Variants in ZNF385D observed in about 807,000 individuals in gnomAD.
The protein encoded by ZNF385D is zinc finger protein 385D, also known as zinc finger protein 659.
In ZNF385D, 15 loss-of-function variants were observed where a neutral mutation model predicts 35.8. The ratio of observed to expected loss-of-function variants is 0.42; its 90% CI spans 0.28 to 0.64. ZNF385D has a LOEUF of 0.64. Ranked by LOEUF, ZNF385D falls within the 30% of genes least tolerant of loss-of-function variation. ZNF385D has a pLI of 0.23. For missense variants in ZNF385D, 474 were observed against 494.6 expected (o/e 0.96, Z 0.39); for synonymous variants, 212 against 186.8 (o/e 1.13, Z -1.10).
intron 3 of ZNF385D, among the ~76,000 whole-genome samples, chr3:21,522,933 C>T (rs536920980): frequency 2.2e-4 from 34 of 152,206 alleles, no homozygotes; most frequent in Non-Finnish European, 4.0e-4. Flanking sequence ...CACTATCCAC[C>T]GGTAGTATTT....
chr3:22,144,590 A>G (rs1704729253), intron 3 of ZNF385D, among the ~76,000 whole-genome samples: 1 of 151,060 alleles, frequency 6.6e-6, no homozygotes, highest in Non-Finnish European at 1.5e-5. Flanking sequence ...AAAAAAAAAA[A>G]AAAAAAAAAA....
intron 2 of ZNF385D, among the ~76,000 whole-genome samples, chr3:22,273,342 T>C (rs1208830025): frequency 6.6e-6 from 1 of 151,974 alleles, no homozygotes; most frequent in East Asian, 1.9e-4. Context: ...AGTCCTTTTT[T>C]TGGAAATTAA....
chr3:21,465,181 A>G lies in ZNF385D; in HGVS notation c.440-27978T>C, dbSNP rs1170347465. On this transcript the variant is annotated intron_variant, in intron 4 of 7. Transcript: ENST00000281523. This position sits in a 1 kb window ranked among gnomAD's most constrained non-coding sequence, Gnocchi z 4.2. ...AAGTTTTCACTGTGCCCTTGAACACAGTGAAAATTTACATATTTTCACTTT... is the reference window on the plus strand; with the variant it reads ...AAGTTTTCACTGTGCCCTTGAACACGGTGAAAATTTACATATTTTCACTTT... 6.6e-6 allele frequency among the ~76,000 whole-genome samples: 1 copy of G among 152,170 alleles called. No individual in the cohort carries two copies. Among genetic ancestry groups the G allele is most frequent in the Non-Finnish European group, 1.5e-5 (1 of 68,032 alleles).
rs572954864 is a variant in ZNF385D at position 22,318,389 on chromosome 3, G to C, written c.106+54061C>G. ...AAGAGAGCAAACATCAGATAACCTT[G>C]ATCGATCAATAAAGAACCAGACAAG... On this transcript the variant is annotated intron_variant, in intron 2 of 5. Coordinates refer to the ZNF385D transcript ENST00000494108. Among the ~76,000 whole-genome samples, 22 of 152,260 alleles carry C rather than the reference G, an allele frequency of 1.4e-4. No individual in the cohort carries two copies. In the South Asian group the frequency reaches 4.4e-3, roughly 30 times the overall value.
chr3:21,733,762 G>T lies in ZNF385D; in HGVS notation c.22+17133C>A, dbSNP rs757089607. 7.2e-5 allele frequency among the ~76,000 whole-genome samples: 11 copies of T among 152,188 alleles called. No individual in the cohort carries two copies. In the East Asian group the frequency reaches 2.1e-3, roughly 29 times the overall value. ...TTTGTTCAATCTGCAATTTATTTCAGTGTAAGAAGTGAAATAGGAATCCAC... is the reference window on the plus strand; with the variant it reads ...TTTGTTCAATCTGCAATTTATTTCATTGTAAGAAGTGAAATAGGAATCCAC... On this transcript the variant is annotated intron_variant, in intron 1 of 7. Coordinates refer to ENST00000281523, the MANE Select transcript of ZNF385D (RefSeq NM_024697.3).
chr3:21,733,746 T>C (rs1484908456), intron 1 of ZNF385D, among the ~76,000 whole-genome samples: 1 of 152,180 alleles, frequency 6.6e-6, no homozygotes, highest in African/African-American at 2.4e-5. Context: ...CTTTGTTCAA[T>C]CTGCAATTTA....
At chr3:22,155,055 T>C (rs1424910197) in intron 3 of ZNF385D, among the ~76,000 whole-genome samples, 1 of 152,150 alleles carries the variant, frequency 6.6e-6, no homozygotes, top group East Asian at 1.9e-4. Context: ...GTATAATTGA[T>C]CTTATGTGAA....
intron 3 of ZNF385D, among the ~76,000 whole-genome samples, chr3:22,032,813 C>T (rs972624363): frequency 2.6e-5 from 4 of 152,082 alleles, no homozygotes; most frequent in Non-Finnish European, 5.9e-5. Context: ...GATTTGCATG[C>T]TTTAGATGTA....
intron 3 of ZNF385D, among the ~76,000 whole-genome samples, chr3:22,080,727 T>C (rs961190433): frequency 6.6e-6 from 1 of 152,010 alleles, no homozygotes; most frequent in Non-Finnish European, 1.5e-5. Context: ...CCCAAGATGA[T>C]AGTATTAAAA....
chr3:21,527,400 C>T (rs573616326), intron 3 of ZNF385D, among the ~76,000 whole-genome samples: 1 of 152,248 alleles, frequency 6.6e-6, no homozygotes, highest in Admixed American at 6.5e-5. Context: ...CTCAACTAGG[C>T]CCCGAACTTT....
chr3:21,776,574 C>T (rs1200568625), intron 3 of ZNF385D, among the ~76,000 whole-genome samples: 1 of 151,830 alleles, frequency 6.6e-6, no homozygotes, highest in East Asian at 1.9e-4. Context: ...GTCTTCCTAT[C>T]CCTTGATTAT....
chr3:22,190,556 C>A (rs958183949), intron 2 of ZNF385D, among the ~76,000 whole-genome samples: 1 of 152,038 alleles, frequency 6.6e-6, no homozygotes, highest in Non-Finnish European at 1.5e-5. Flanking sequence ...TTGCTAATAT[C>A]GTTAAGTTCT....
Position 22,185,046 on chromosome 3 carries a change from C to T in ZNF385D, c.107-16011G>A, listed in dbSNP as rs536240943. On this transcript the variant is annotated intron_variant, in intron 2 of 5. Coordinates refer to the ZNF385D transcript ENST00000494108. ...CAGAAATGCTGAAATCAGGAGATACCTTGCTGTACATTGGATATTGTTATT... is the reference window on the plus strand; with the variant it reads ...CAGAAATGCTGAAATCAGGAGATACTTTGCTGTACATTGGATATTGTTATT... Among the ~76,000 whole-genome samples the T allele has an allele frequency of 2.6e-4, 40 of 151,990 alleles. No individual in the cohort carries two copies. The South Asian group carries it at 8.3e-3, about 32-fold the overall frequency.
At chr3:21,586,205 C>T (rs2063806945) in intron 2 of ZNF385D, among the ~76,000 whole-genome samples, 1 of 151,742 alleles carries the variant, frequency 6.6e-6, no homozygotes. Context: ...GACTCTGTCC[C>T]TAAGGGGAAA....
chr3:22,068,704 C>A lies in ZNF385D; in HGVS notation c.325+100113G>T, dbSNP rs148309833. On this transcript the variant is annotated intron_variant, in intron 3 of 5. Coordinates refer to the ZNF385D transcript ENST00000494108. ...AAGGCCTAATTCTCATAATAAATTT[C>A]TTTTTCTACATACTCCTAGTTAAAC... Among the ~76,000 whole-genome samples the A allele has an allele frequency of 4.4e-3, 671 of 152,262 alleles. 1 individual carries two copies. Among genetic ancestry groups the A allele is most frequent in the Non-Finnish European group, 7.4e-3 (506 of 68,010 alleles).
At chr3:22,139,445 A>T (rs532185764) in intron 3 of ZNF385D, among the ~76,000 whole-genome samples, 1 of 152,204 alleles carries the variant, frequency 6.6e-6, no homozygotes, top group South Asian at 2.1e-4. Flanking sequence ...ATAAAAAACG[A>T]TGAGTTCATG....
At chr3:22,024,686 T>C (rs1697431136) in intron 3 of ZNF385D, among the ~76,000 whole-genome samples, 1 of 152,106 alleles carries the variant, frequency 6.6e-6, no homozygotes, top group African/African-American at 2.4e-5. Context: ...ATAAATGCAT[T>C]TGACACTCCT....
At chr3:22,126,081 G>A (rs1703409260) in intron 3 of ZNF385D, among the ~76,000 whole-genome samples, 1 of 152,006 alleles carries the variant, frequency 6.6e-6, no homozygotes, top group Non-Finnish European at 1.5e-5. Flanking sequence ...GTTGAGGTAT[G>A]TTCCTTGTAT....
At chr3:21,750,661 A>T (rs1223815339) in intron 1 of ZNF385D, among the ~76,000 whole-genome samples, 1 of 140,860 alleles carries the variant, frequency 7.1e-6, no homozygotes, top group East Asian at 2.1e-4. Flanking sequence ...CGCCCCCTCC[A>T]CATGTCCCTG....
Sources: gnomAD v4.1 joint callset for allele counts (sites outside exome capture counted in the v4.1 genomes callset) on GRCh38, gnomAD v4.1.1 for gene constraint, Gnocchi (gnomAD v3.1) non-coding constraint, MANE v1.5 for transcripts, NCBI Gene and HGNC (gene_info 2026-07-23, HGNC 2026-07-21) for gene names.